Variants in JAK1 observed in about 807,000 individuals in gnomAD.
JAK1 encodes the protein Janus kinase 1, also known as tyrosine-protein kinase JAK1.
JAK1 carries 16 observed loss-of-function variants against 136.6 expected under a neutral mutation model. The ratio of observed to expected loss-of-function variants is 0.12; its 90% CI spans 0.08 to 0.18. The LOEUF (loss-of-function observed/expected upper bound fraction) is 0.18. Among genes scored for constraint, JAK1 ranks in the 10% least tolerant of loss-of-function variants. The pLI is 1.00. For synonymous variants in JAK1, 492 were observed against 519.5 expected, an observed-to-expected ratio of 0.95 and a Z score of 0.72; for missense variants, 859 against 1,450.1, an observed-to-expected ratio of 0.59 and a Z score of 6.62.
intron 11 of JAK1, 49 bp downstream of exon 11, chr1:64,855,460 A>T: frequency 6.4e-7 from 1 of 1,570,986 alleles, no homozygotes; most frequent in East Asian, 2.3e-5. Context: ...TCTGGGTCTC[A>T]GCACATTACT....
intron 12 of JAK1, among the ~76,000 whole-genome samples, chr1:64,848,391 T>C (rs1280097359): frequency 1.3e-5 from 2 of 152,232 alleles, no homozygotes; most frequent in Non-Finnish European, 2.9e-5. Context: ...TGTGTGTGCA[T>C]GCACGCTAGG....
At chr1:64,876,594 T>C (rs754129611) in intron 4 of JAK1, 6 of 152,080 alleles carry the variant, frequency 3.9e-5, no homozygotes, top group Non-Finnish European at 8.8e-5. Flanking sequence ...ACCCTCCCTA[T>C]CACCCATAAG....
chr1:64,945,575 C>T (rs561105295), intron 1 of JAK1, among the ~76,000 whole-genome samples: 38 of 152,006 alleles, frequency 2.5e-4, no homozygotes, highest in African/African-American at 7.7e-4. Flanking sequence ...ATATATTTAC[C>T]TTATGTACAA....
intron 2 of JAK1, among the ~76,000 whole-genome samples, chr1:65,026,918 C>CTCTA (rs1242185805): frequency 6.6e-6 from 1 of 151,918 alleles, no homozygotes; most frequent in East Asian, 2.0e-4. Context: ...CGCCACTGCA[C>CTCTA]TCTAGCCTGG....
chr1:65,061,656 T>C (rs1397693147), intron 1 of JAK1, among the ~76,000 whole-genome samples: 1 of 152,220 alleles, frequency 6.6e-6, no homozygotes, highest in Non-Finnish European at 1.5e-5. Context: ...AGTGATACTA[T>C]ATAAAATGGC....
intron 1 of JAK1, among the ~76,000 whole-genome samples, chr1:64,947,591 C>T (rs1646009950): frequency 6.6e-6 from 1 of 151,574 alleles, no homozygotes; most frequent in Non-Finnish European, 1.5e-5. Flanking sequence ...GGGTCCTCCC[C>T]CAACCCCCTT....
At chr1:64,989,002 G>GTATA (rs57569640) in intron 2 of JAK1, among the ~76,000 whole-genome samples, 9,074 of 128,896 alleles carry the variant, frequency 0.07, 386 homozygotes, top group Non-Finnish European at 0.1. Context: ...GTGTGTGTGT[G>GTATA]TATATATATA....
chr1:65,034,985 G>A (rs144207792), intron 2 of JAK1, among the ~76,000 whole-genome samples: 7,757 of 152,220 alleles, frequency 0.051, 316 homozygotes, highest in Admixed American at 0.14. Flanking sequence ...GAACCTGGGA[G>A]GCGGAGGTTG....
chr1:64,888,004 G>A (rs1315710840), intron 1 of JAK1, among the ~76,000 whole-genome samples: 1 of 152,156 alleles, frequency 6.6e-6, no homozygotes, highest in Admixed American at 6.5e-5. Context: ...CAGCTGCCAA[G>A]GATCAGTGAA....
At chr1:64,990,273 G>A (rs1323702271) in intron 2 of JAK1, 1 of 152,198 alleles carries the variant, frequency 6.6e-6, no homozygotes, top group Non-Finnish European at 1.5e-5. Flanking sequence ...GTTCACTCCA[G>A]CCTGGGCAAC....
At chr1:64,916,983 GAAAA>G (rs765681716) in intron 1 of JAK1, among the ~76,000 whole-genome samples, 3 of 151,964 alleles carry the variant, frequency 2.0e-5, no homozygotes, top group Non-Finnish European at 2.9e-5. Flanking sequence ...GTGGAGGGGA[GAAAA>G]TCATCAGCAA....
chr1:64,988,907 A>AAT (rs1266124404), intron 2 of JAK1, among the ~76,000 whole-genome samples: 5 of 148,434 alleles, frequency 3.4e-5, no homozygotes, highest in African/African-American at 4.9e-5. Flanking sequence ...AAAATTTAAA[A>AAT]ATATATATAT....
At chr1:65,031,942 AAC>A (rs1167084491) in intron 2 of JAK1, among the ~76,000 whole-genome samples, 1 of 151,762 alleles carries the variant, frequency 6.6e-6, no homozygotes, top group African/African-American at 2.4e-5. Flanking sequence ...GGGCTGGAAA[AAC>A]ACAGATTTTT....
At chr1:64,901,928 T>C (rs569814530) in intron 1 of JAK1, among the ~76,000 whole-genome samples, 6 of 152,362 alleles carry the variant, frequency 3.9e-5, no homozygotes, top group South Asian at 4.1e-4. Flanking sequence ...ATCCATGCTG[T>C]AGCATGCACC....
chr1:64,834,009 G>A lies in JAK1; in HGVS notation c.*553C>T. 1 of 232,922 alleles carries A rather than the reference G, an allele frequency of 4.3e-6. No homozygotes were observed. The allele number at this position is 232,922 out of a possible 1,614,324, so 14.4% of individuals were successfully genotyped here. ...CAAAGTTTAAGTCCTACTGGTGAGA[G>A]AATACAGTCATTTTTGTACAGAAAC... On this transcript the variant is annotated 3_prime_UTR_variant, in exon 25 of 25. Transcript: ENST00000342505.
Position 64,930,424 on chromosome 1 carries a change from G to A in JAK1, c.-78+35909C>T, listed in dbSNP as rs569278045. ...AAGCTCATCATCACTGTTCATTAGA[G>A]AAACGCAAATCAAAACCACGATGAG... On this transcript the variant is annotated intron_variant, in intron 1 of 24. Coordinates refer to ENST00000342505, the MANE Select transcript of JAK1 (RefSeq NM_002227.4). Among the ~76,000 whole-genome samples the A allele has an allele frequency of 1.0e-3, 155 of 152,252 alleles. 1 individual carries two copies. Among genetic ancestry groups the A allele is most frequent in the African/African-American group, 3.5e-3 (146 of 41,540 alleles).
intron 5 of JAK1, among the ~76,000 whole-genome samples, chr1:64,871,622 G>A (rs1451415621): frequency 3.9e-5 from 6 of 152,108 alleles, no homozygotes; most frequent in Non-Finnish European, 5.9e-5. Flanking sequence ...TTATCCATCC[G>A]ACATCACCCA....
Position 64,931,632 on chromosome 1 carries a change from G to C in JAK1, c.-78+34701C>G, listed in dbSNP as rs183673597. Among the ~76,000 whole-genome samples, 4 of 152,140 alleles carry C rather than the reference G, an allele frequency of 2.6e-5. No homozygotes were observed. The East Asian group carries it at 7.8e-4, about 29-fold the overall frequency. ...CCAGCATTCAGAGGCCTCAACCTTTGGGGTAAAGGAGGCAATCCTTTTGTG... is the reference window on the plus strand; with the variant it reads ...CCAGCATTCAGAGGCCTCAACCTTTCGGGTAAAGGAGGCAATCCTTTTGTG... On this transcript the variant is annotated intron_variant, in intron 1 of 24. Coordinates refer to ENST00000342505, the MANE Select transcript of JAK1 (RefSeq NM_002227.4).
At chr1:64,883,591 C>T (rs1644809184) in intron 2 of JAK1, 116 bp from the exon 3 acceptor site, 2 of 753,734 alleles carry the variant, frequency 2.7e-6, no homozygotes, top group Admixed American at 2.5e-5. Flanking sequence ...GTATTGGATA[C>T]GTACCTCTCC....
Sources: allele counts gnomAD v4.1 joint callset (sites outside exome capture counted in the v4.1 genomes callset), GRCh38; gene constraint gnomAD v4.1.1; transcripts MANE v1.5; gene names NCBI Gene and HGNC (gene_info 2026-07-23, HGNC 2026-07-21).